CAD: variants seen among roughly 807,000 people sequenced by gnomAD.
The protein encoded by CAD is carbamoyl-phosphate synthetase 2, aspartate transcarbamylase, and dihydroorotase, also known as multifunctional protein CAD.
In CAD, 81 loss-of-function variants were observed where a neutral mutation model predicts 237.2. The observed-to-expected ratio is 0.34, with a 90% CI of 0.29 to 0.41. CAD has a LOEUF of 0.41. Among genes scored for constraint, CAD ranks in the 10% least tolerant of loss-of-function variants. CAD has a pLI of 1.00. For missense variants in CAD, 2,181 were observed against 2,951.7 expected (o/e 0.74, Z 6.05); for synonymous variants, 1,196 against 1,162.8 (o/e 1.03, Z -0.58).
intron 9 of CAD, 62 bp from the exon 10 acceptor site, chr2:27,224,683 C>T: frequency 6.2e-7 from 1 of 1,608,264 alleles, no homozygotes; most frequent in Non-Finnish European, 8.5e-7. Flanking sequence ...GAATGCTACT[C>T]TAAGGCTGTT....
intron 15 of CAD, among the ~76,000 whole-genome samples, chr2:27,230,114 T>C (rs1339513864): frequency 1.3e-5 from 2 of 151,926 alleles, no homozygotes; most frequent in Non-Finnish European, 2.9e-5. Context: ...GGCAGGTGCC[T>C]GTAATCCCAG....
intron 8 of CAD, 127 bp downstream of exon 8, chr2:27,224,156 C>T (rs1187110172): frequency 6.6e-6 from 6 of 904,080 alleles, no homozygotes; most frequent in Non-Finnish European, 1.0e-5. Flanking sequence ...GGATGGGTGG[C>T]AACCAACCCA....
At chr2:27,224,173 CGTTTAA>C in intron 8 of CAD, 144 bp downstream of exon 8, 1 of 898,024 alleles carries the variant, frequency 1.1e-6, no homozygotes, top group Non-Finnish European at 1.7e-6. Flanking sequence ...CCCAAGATAC[CGTTTAA>C]GCTTCTGTTG....
In CAD at chr2:27,240,218, CAAAAG is replaced by C. The variant is rs1338296012; in HGVS notation, c.5497-42_5497-38del. The C allele has an allele frequency of 9.0e-6, 11 of 1,227,646 alleles. No individual in the cohort carries two copies. Among genetic ancestry groups the C allele is most frequent in the Non-Finnish European group, 9.9e-6 (9 of 910,644 alleles). 76.0% of individuals were successfully genotyped at this position (1,227,646 alleles called of 1,614,324 possible). On this transcript the variant is annotated intron_variant, in intron 34 of 43. Transcript: ENST00000264705. The surrounding 1 kb of genome is among the most constrained non-coding windows in gnomAD (Gnocchi z 4.6). Reference sequence around the variant, plus strand: ...TGAGCGACAGAACGAGACTCCGTCTCAAAAGAAAAAAAAAAAAACAACTCTGGGCC... The same window carrying C: ...TGAGCGACAGAACGAGACTCCGTCTCAAAAAAAAAAAAACAACTCTGGGCC...
Position 27,238,438 on chromosome 2 carries a change from T to C in CAD, c.4868T>C (p.Leu1623Pro). The stretch of plus-strand genomic sequence containing the variant: ...CTTCCCATTGTTCCCCAGATCCTGC[T>C]AATTAAAGCTGCAAAGGCACGGGGC... ...CHVARKEEIL[L>P]IKAAKARGLP... The change falls in exon 31 of 44, where the codon CTA becomes CCA. Residue 1623 changes from leucine to proline, a missense_variant. Leu to Pro is a moderately conservative substitution (Grantham distance 98, BLOSUM62 -3). Transcript: ENST00000264705. 6.4e-7 allele frequency: 1 copy of C among 1,574,368 alleles called. No individual in the cohort carries two copies. Among genetic ancestry groups the C allele is most frequent in the East Asian group, 2.2e-5 (1 of 44,494 alleles).
In CAD at chr2:27,224,014, C is replaced by T; in HGVS notation, c.1093C>T (p.Pro365Ser). The T allele has an allele frequency of 6.2e-7, 1 of 1,612,732 alleles. No homozygotes were observed. The highest frequency in any genetic ancestry group is 8.5e-7 in the Non-Finnish European group (1 of 1,178,732). ...TGTGAAAGAGGCCACAGCTGGGAAC[C>T]CTGGGGGCCAGACAGGTAAGATCCT... is the stretch of plus-strand genomic sequence containing the variant. ...ETVKEATAGN[P>S]GGQTVRERLT... The change falls in exon 8 of 44, where the codon CCT becomes TCT. Residue 365 changes from proline to serine, a missense_variant. By Grantham distance (74) the Pro-to-Ser change is moderately conservative. Coordinates refer to ENST00000264705, the MANE Select transcript of CAD (RefSeq NM_004341.5).
intron 2 of CAD, among the ~76,000 whole-genome samples, chr2:27,220,554 G>A (rs531412249): frequency 2.8e-4 from 43 of 152,042 alleles, no homozygotes; most frequent in African/African-American, 8.7e-4. Flanking sequence ...GGAGTCTGAG[G>A]TGGGAGAATC....
In CAD at chr2:27,235,663, C is replaced by T; in HGVS notation, c.4074+23C>T. On this transcript the variant is annotated intron_variant, in intron 25 of 43. Coordinates refer to ENST00000264705, the MANE Select transcript of CAD (RefSeq NM_004341.5). The surrounding 1 kb of genome is among the most constrained non-coding windows in gnomAD (Gnocchi z 5.2). ...AAGGTGCAGGAACTCTGGCAACCTA[C>T]CCCACTGCTGCCCTTCCCCAAGGGG... 1 of 1,593,120 alleles carries T rather than the reference C, an allele frequency of 6.3e-7. No homozygotes were observed. Among genetic ancestry groups the T allele is most frequent in the Non-Finnish European group, 8.6e-7 (1 of 1,161,212 alleles).
In CAD at chr2:27,240,300, T is replaced by C. The variant is rs774478710; in HGVS notation, c.5532T>C (p.Leu1844=). 1.5e-5 allele frequency: 24 copies of C among 1,613,554 alleles called. No individual in the cohort carries two copies. Among genetic ancestry groups the C allele is most frequent in the Middle Eastern group, 1.7e-4 (1 of 6,056 alleles). ...GACCCCGCCGTGGCATCCCAGGGCT[T>C]CCTGATGGCCGCTTCCATCTGCCGC... The part of the protein sequence containing the change: ...PERPRRGIPG[L]PDGRFHLPPR... The change falls in exon 35 of 44, where the codon CTT becomes CTC. Residue 1844 remains leucine, a synonymous_variant. Coordinates refer to ENST00000264705, the MANE Select transcript of CAD (RefSeq NM_004341.5). This position sits in a 1 kb window ranked among gnomAD's most constrained non-coding sequence, Gnocchi z 4.6.
At chr2:27,234,980 G>A (rs932015276) in intron 23 of CAD, among the ~76,000 whole-genome samples, 1 of 152,218 alleles carries the variant, frequency 6.6e-6, no homozygotes, top group Admixed American at 6.5e-5. Flanking sequence ...TCCAAAAGGG[G>A]TGATCTGGGA....
chr2:27,223,460 G>A (rs1375217872), intron 6 of CAD, 103 bp from the exon 7 acceptor site: 8 of 1,012,550 alleles, frequency 7.9e-6, no homozygotes, highest in Admixed American at 2.3e-5. Context: ...AAAGGAAACA[G>A]GAGTGAGGCT....
At position 27,232,156 on chromosome 2, in the gene CAD, G is replaced by A. The variant is rs147159197; in HGVS notation, c.2577G>A (p.Pro859=). ...AACAACACCGTGGACAGCCTTTGCC[G>A]CCAGACCTGCTGCAACAGGCCAAGT... ...LLEQHRGQPL[P]PDLLQQAKCL... The change falls in exon 17 of 44, where the codon CCG becomes CCA. Residue 859 remains proline (P), a synonymous_variant. Coordinates refer to ENST00000264705, the MANE Select transcript of CAD (RefSeq NM_004341.5). This position sits in a 1 kb window ranked among gnomAD's most constrained non-coding sequence, Gnocchi z 4.1. 1,237 of 1,614,212 alleles carry A rather than the reference G, an allele frequency of 7.7e-4. 18 individuals are homozygous for A. The South Asian group carries it at 0.013, about 17-fold the overall frequency.
Position 27,236,276 on chromosome 2 carries a change from G to A in CAD, c.4075-8G>A. The stretch of plus-strand genomic sequence containing the variant: ...AGCTTGGCCCTGACCTTGACTCCGG[G>A]TTGGCAGGTAACAGCTGTGGACTGG... On this transcript the variant is annotated splice_region_variant and splice_polypyrimidine_tract_variant and intron_variant, in intron 25 of 43. Transcript: ENST00000264705. The surrounding 1 kb of genome is among the most constrained non-coding windows in gnomAD (Gnocchi z 4.1). 5 of 1,612,116 alleles carry A rather than the reference G, an allele frequency of 3.1e-6. No individual in the cohort carries two copies. Among genetic ancestry groups the A allele is most frequent in the Non-Finnish European group, 2.5e-6 (3 of 1,178,548 alleles).
intron 3 of CAD, 74 bp downstream of exon 3, chr2:27,221,421 T>A: frequency 7.6e-7 from 1 of 1,315,376 alleles, no homozygotes; most frequent in Admixed American, 2.8e-5. Context: ...GTTTCTGTAA[T>A]CTGCTGGGAC....
In CAD at chr2:27,236,167, C is replaced by T; in HGVS notation, c.4075-117C>T. On this transcript the variant is annotated intron_variant, in intron 25 of 43. Transcript: ENST00000264705. This position sits in a 1 kb window ranked among gnomAD's most constrained non-coding sequence, Gnocchi z 4.1. ...AAATAGAGGCAGCCCTCAGTGCCCA[C>T]CCTATGGGTCCTCAGTCTCCTCATC... The T allele has an allele frequency of 4.3e-6, 6 of 1,390,670 alleles. 1 individual carries two copies. Among genetic ancestry groups the T allele is most frequent in the Admixed American group, 2.2e-5 (1 of 45,336 alleles). The allele number at this position is 1,390,670 out of a possible 1,614,324, so 86.1% of individuals were successfully genotyped here.
At position 27,233,836 on chromosome 2, in the gene CAD, T is replaced by A. The variant is rs762614107; in HGVS notation, c.3399+28T>A. ...GGGAGGCTGCAGACAGTGAAGTCTC[T>A]GAGGGCATGCTGCCAGCCCTGGAGG... On this transcript the variant is annotated intron_variant, in intron 21 of 43. Coordinates refer to ENST00000264705, the MANE Select transcript of CAD (RefSeq NM_004341.5). The surrounding 1 kb of genome is among the most constrained non-coding windows in gnomAD (Gnocchi z 6.3). 6.2e-7 allele frequency: 1 copy of A among 1,609,242 alleles called. No individual in the cohort carries two copies.
chr2:27,222,198 A>G lies in CAD; in HGVS notation c.357A>G (p.Val119=). The G allele has an allele frequency of 6.2e-7, 1 of 1,613,760 alleles. No homozygotes were observed. The highest frequency in any genetic ancestry group is 1.1e-5 in the South Asian group (1 of 91,068). ...AAGACTGTGCTATTTTGACAGGAGT[A>G]GACACTCGGGAGCTGACCAAGAAGT... is the stretch of plus-strand genomic sequence containing the variant. The part of the protein sequence containing the change: ...QQHGIPGLQG[V]DTRELTKKLR... The change falls in exon 4 of 44, where the codon GTA becomes GTG. Residue 119 remains valine (V), a synonymous_variant. Coordinates refer to ENST00000264705, the MANE Select transcript of CAD (RefSeq NM_004341.5).
At chr2:27,220,793 C>G (rs781619660) in intron 2 of CAD, among the ~76,000 whole-genome samples, 1 of 151,954 alleles carries the variant, frequency 6.6e-6, no homozygotes, top group Non-Finnish European at 1.5e-5. Context: ...CCCGTCTCTA[C>G]TAAAAATACA....
intron 30 of CAD, 76 bp downstream of exon 30, chr2:27,238,263 C>T: frequency 6.5e-7 from 1 of 1,534,162 alleles, no homozygotes; most frequent in Non-Finnish European, 8.9e-7. Flanking sequence ...TCCTTAGGGG[C>T]AGGAGACAGC....
Sources: allele counts gnomAD v4.1 joint callset (sites outside exome capture counted in the v4.1 genomes callset), GRCh38; gene constraint gnomAD v4.1.1; non-coding constraint Gnocchi (gnomAD v3.1); transcripts MANE v1.5; gene names NCBI Gene and HGNC (gene_info 2026-07-23, HGNC 2026-07-21).